SLC4A1: variants seen among roughly 807,000 people sequenced by gnomAD.
SLC4A1 encodes the protein solute carrier family 4 member 1 (Diego blood group), also known as band 3 anion transport protein.
SLC4A1 carries 29 observed loss-of-function variants against 93.1 expected under a neutral mutation model. The observed-to-expected ratio is 0.31, with a 90% CI of 0.23 to 0.42. The LOEUF is 0.42. Among genes scored for constraint, SLC4A1 ranks in the 20% least tolerant of loss-of-function variants. The pLI, the probability that SLC4A1 is intolerant of heterozygous loss-of-function variation, is 1.00. For missense variants in SLC4A1, 965 were observed against 1,190.1 expected (o/e 0.81, Z 2.78); for synonymous variants, 469 against 497.2 (o/e 0.94, Z 0.76).
rs758062811 is a variant in SLC4A1 at position 44,258,405 on chromosome 17, G to A, written c.1087+8C>T. ...GCTCAGAAAGCCTCAGCTGGGAAGG[G>A]CAGGTACCTAGGCCCTTGTAGAAGC... is the stretch of plus-strand genomic sequence containing the variant. On this transcript the variant is annotated splice_region_variant and intron_variant, in intron 10 of 19. Coordinates refer to ENST00000262418, the MANE Select transcript of SLC4A1 (RefSeq NM_000342.4). This position sits in a 1 kb window ranked among gnomAD's most constrained non-coding sequence, Gnocchi z 6.1. 1.6e-5 allele frequency: 26 copies of A among 1,613,638 alleles called. No homozygotes were observed. Among genetic ancestry groups the A allele is most frequent in the Non-Finnish European group, 2.1e-5 (25 of 1,179,618 alleles).
At chr17:44,260,173 C>T (rs1158537091) in intron 6 of SLC4A1, among the ~76,000 whole-genome samples, 1 of 152,174 alleles carries the variant, frequency 6.6e-6, no homozygotes, top group African/African-American at 2.4e-5. Flanking sequence ...AGAGTGGCTA[C>T]AGAAAAGGGC....
At chr17:44,266,673 G>A (rs965242823) in intron 1 of SLC4A1, among the ~76,000 whole-genome samples, 6 of 152,146 alleles carry the variant, frequency 3.9e-5, no homozygotes, top group African/African-American at 1.4e-4. Context: ...ATTGCCACCC[G>A]CCAGCCAGGC....
chr17:44,260,007 C>T (rs1030487949), intron 6 of SLC4A1, 75 bp from the exon 7 acceptor site: 24 of 1,585,640 alleles, frequency 1.5e-5, no homozygotes, highest in African/African-American at 5.4e-5. Flanking sequence ...GGATCAAGGG[C>T]GAACATCAAG....
chr17:44,263,643 G>A (rs1413580854), intron 1 of SLC4A1, among the ~76,000 whole-genome samples: 1 of 150,152 alleles, frequency 6.7e-6, no homozygotes, highest in Non-Finnish European at 1.5e-5. Context: ...GCCCTCCCTG[G>A]CCACCACCTT....
At chr17:44,250,605 ACGAAAGGCAC>A in intron 19 of SLC4A1, 67 bp from the exon 20 acceptor site, 4 of 1,246,016 alleles carry the variant, frequency 3.2e-6, no homozygotes, top group Non-Finnish European at 4.7e-6. Flanking sequence ...CTCCCCGGGC[ACGAAAGGCAC>A]CTCTGGAGTT....
chr17:44,258,428 A>G lies in SLC4A1; in HGVS notation c.1072T>C (p.Phe358Leu). 6.2e-6 allele frequency: 10 copies of G among 1,614,040 alleles called. No individual in the cohort carries two copies. Among genetic ancestry groups the G allele is most frequent in the Non-Finnish European group, 8.5e-6 (10 of 1,179,972 alleles). ...GGGCAGGTACCTAGGCCCTTGTAGA[A>G]GCTGGAGTCTGGCTTGGCAGGGCTG... Reference protein sequence around the residue: ...QSSPAKPDSSFYKGLDLNGGP... With the variant: ...QSSPAKPDSSLYKGLDLNGGP... The change falls in exon 10 of 20, where the codon TTC (phenylalanine) becomes CTC (leucine). Residue 358 changes from phenylalanine (F) to leucine (L), a missense_variant. By Grantham distance (22) the Phe-to-Leu change is conservative. This residue lies in a region of SLC4A1 where 770 missense variants were observed against 1,006.6 expected (regional missense o/e 0.76). Transcript: ENST00000262418. The surrounding 1 kb of genome is among the most constrained non-coding windows in gnomAD (Gnocchi z 6.1).
chr17:44,250,684 T>C (rs2144595135), intron 19 of SLC4A1, 146 bp from the exon 20 acceptor site: 1 of 688,480 alleles, frequency 1.5e-6, no homozygotes, highest in South Asian at 1.6e-5. Flanking sequence ...CCCCAGCAGC[T>C]AGGACTGGCC....
chr17:44,262,275 C>T (rs2144624247), intron 3 of SLC4A1, among the ~76,000 whole-genome samples: 1 of 152,286 alleles, frequency 6.6e-6, no homozygotes, highest in South Asian at 2.1e-4. Flanking sequence ...CTAGGAGGGT[C>T]CCCACAAGCC....
intron 13 of SLC4A1, among the ~76,000 whole-genome samples, chr17:44,256,990 A>C (rs527381001): frequency 3.1e-4 from 46 of 150,670 alleles, no homozygotes; most frequent in African/African-American, 1.0e-3. Context: ...ACAATGGCTC[A>C]GTCTTTTTTT....
intron 17 of SLC4A1, among the ~76,000 whole-genome samples, chr17:44,251,933 G>A (rs1157487978): frequency 6.7e-6 from 1 of 149,684 alleles, no homozygotes; most frequent in Non-Finnish European, 1.5e-5. Context: ...GTAGAGACAA[G>A]GTCTCACTAT....
intron 17 of SLC4A1, 51 bp from the exon 18 acceptor site, chr17:44,251,639 A>C: frequency 6.3e-7 from 1 of 1,580,830 alleles, no homozygotes; most frequent in Non-Finnish European, 8.7e-7. Context: ...GCCTGGCACC[A>C]GTGGGGGGTC....
intron 8 of SLC4A1, 39 bp downstream of exon 8, chr17:44,259,457 AG>A: frequency 6.3e-7 from 1 of 1,598,760 alleles, no homozygotes; most frequent in Non-Finnish European, 8.6e-7. Context: ...CCAAGACACG[AG>A]GGGTGTGGAG....
chr17:44,263,221 C>T (rs1175464531), intron 1 of SLC4A1, among the ~76,000 whole-genome samples: 2 of 152,154 alleles, frequency 1.3e-5, no homozygotes, highest in East Asian at 1.9e-4. Context: ...CATCTCCCTC[C>T]TTCATTCTCT....
rs2047414017 is a variant in SLC4A1, at chr17:44,258,775, T to G, written c.877-152A>C. On this transcript the variant is annotated intron_variant, in intron 9 of 19. Coordinates refer to ENST00000262418, the MANE Select transcript of SLC4A1 (RefSeq NM_000342.4). This position sits in a 1 kb window ranked among gnomAD's most constrained non-coding sequence, Gnocchi z 6.1. ...TTCCTGCCCGCTCCCACCCCTACTC[T>G]CCCCACTAAGAAAGAGCTCTGGGGA... 1 of 760,840 alleles carries G rather than the reference T, an allele frequency of 1.3e-6. No individual in the cohort carries two copies. Among genetic ancestry groups the G allele is most frequent in the East Asian group, 2.7e-5 (1 of 37,216 alleles). 47.1% of individuals were successfully genotyped at this position (760,840 alleles called of 1,614,324 possible).
chr17:44,263,064 G>T, intron 1 of SLC4A1, 130 bp from the exon 2 acceptor site: 1 of 763,258 alleles, frequency 1.3e-6, no homozygotes, highest in Non-Finnish European at 2.2e-6. Context: ...GGAAGGAAGT[G>T]TGGAGGGAAA....
intron 1 of SLC4A1, among the ~76,000 whole-genome samples, chr17:44,265,032 G>A (rs1340408119): frequency 7.9e-6 from 1 of 126,924 alleles, no homozygotes; most frequent in Non-Finnish European, 1.7e-5. Flanking sequence ...TGAGCACTGG[G>A]GGCTGTGGGA....
Position 44,253,281 on chromosome 17 carries a change from G to T in SLC4A1, c.2148C>A (p.Ala716=). 6.2e-7 allele frequency: 1 copy of T among 1,614,012 alleles called. No individual in the cohort carries two copies. Among genetic ancestry groups the T allele is most frequent in the Non-Finnish European group, 8.5e-7 (1 of 1,180,008 alleles). Residue 716 remains alanine, a synonymous_variant, in exon 17 of 20, where the codon GCC becomes GCA. Coordinates refer to ENST00000262418, the MANE Select transcript of SLC4A1 (RefSeq NM_000342.4). ...LLLVVGMGGV[A]ALFGMPWLSA... ...TGAGCCAGGGCATCCCAAAGAGGGC[G>T]GCCACCCCACCCATGCCTACTACCA...
chr17:44,264,179 G>A (rs1361779009), intron 1 of SLC4A1, among the ~76,000 whole-genome samples: 2 of 152,140 alleles, frequency 1.3e-5, no homozygotes, highest in Non-Finnish European at 2.9e-5. Context: ...TGGTTTCTTG[G>A]TTGGGCGTGG....
Position 44,261,600 on chromosome 17 carries a change from G to A in SLC4A1, c.143C>T (p.Thr48Ile), listed in dbSNP as rs2047445262. ...CTTGTGGGTACCCGGGTGTGATGTG[G>A]TGTGGTAGTCTGTGGCTGTTGCCTC... Reference protein sequence around the residue: ...DTEATATDYHTTSHPGTHKVY... With the variant: ...DTEATATDYHITSHPGTHKVY... The change falls in exon 4 of 20, where the codon ACC (threonine) becomes ATC (isoleucine). Residue 48 changes from threonine (T) to isoleucine (I), a missense_variant. Coordinates refer to ENST00000262418, the MANE Select transcript of SLC4A1 (RefSeq NM_000342.4). The A allele has an allele frequency of 6.2e-7, 1 of 1,614,192 alleles. No individual in the cohort carries two copies. Among genetic ancestry groups the A allele is most frequent in the Non-Finnish European group, 8.5e-7 (1 of 1,180,006 alleles).
Sources: gnomAD v4.1 joint callset for allele counts (sites outside exome capture counted in the v4.1 genomes callset) on GRCh38, gnomAD v4.1.1 for gene constraint, gnomAD v4.1.1 regional missense constraint, Gnocchi (gnomAD v3.1) non-coding constraint, MANE v1.5 for transcripts, NCBI Gene and HGNC (gene_info 2026-07-23, HGNC 2026-07-21) for gene names.